Variants in ITPK1 observed in about 807,000 individuals in gnomAD.
The protein encoded by ITPK1 is inositol 1,3,4-trisphosphate 5/6-kinase.
In ITPK1, 21 loss-of-function variants were observed where a neutral mutation model predicts 45.3. That is an observed-to-expected ratio of 0.46 (90% CI 0.33 to 0.67). ITPK1 has a LOEUF of 0.67. Ranked by LOEUF, ITPK1 falls within the 30% of genes least tolerant of loss-of-function variation. The pLI, the probability that ITPK1 is intolerant of heterozygous loss-of-function variation, is 0.02. For synonymous variants in ITPK1, 258 were observed against 253.6 expected (o/e 1.02, Z -0.16); for missense variants, 474 against 573.5 (o/e 0.83, Z 1.77).
In ITPK1 at chr14:92,938,489, G is replaced by A. The variant is rs747889414; in HGVS notation, c.*3072C>T. ...CATGTGACAGCTTCCTACTTCAGTC[G>A]GTCTTCCAGCCTTCTATAAAGCACA... On this transcript the variant is annotated 3_prime_UTR_variant, in exon 11 of 11. Coordinates refer to ENST00000267615, the MANE Select transcript of ITPK1 (RefSeq NM_014216.6). 11 of 1,612,572 alleles carry A rather than the reference G, an allele frequency of 6.8e-6. No individual in the cohort carries two copies. The highest frequency in any genetic ancestry group is 5.3e-5 in the African/African-American group (4 of 74,866).
intron 5 of ITPK1, among the ~76,000 whole-genome samples, chr14:92,975,688 G>C (rs938026860): frequency 6.6e-6 from 1 of 152,228 alleles, no homozygotes; most frequent in Non-Finnish European, 1.5e-5. Flanking sequence ...AAAAGGAAGG[G>C]TAAGAAAGAA....
chr14:92,991,798 T>TA (rs1886801895), intron 5 of ITPK1, among the ~76,000 whole-genome samples: 1 of 152,078 alleles, frequency 6.6e-6, no homozygotes, highest in South Asian at 2.1e-4. Flanking sequence ...CTTCTACTCC[T>TA]AAAAATCTAA....
chr14:93,104,857 C>G (rs1253882655), intron 2 of ITPK1, among the ~76,000 whole-genome samples: 1 of 149,994 alleles, frequency 6.7e-6, no homozygotes, highest in Non-Finnish European at 1.5e-5. Flanking sequence ...GGCTTGGGCT[C>G]CAAGAGCGCC....
At chr14:92,951,005 A>G (rs985051550) in intron 9 of ITPK1, among the ~76,000 whole-genome samples, 5 of 152,230 alleles carry the variant, frequency 3.3e-5, no homozygotes, top group Middle Eastern at 3.2e-3. Context: ...AGACAGACAG[A>G]CAGGCCATCT....
At chr14:93,073,563 A>G (rs1891105581) in intron 3 of ITPK1, among the ~76,000 whole-genome samples, 1 of 152,196 alleles carries the variant, frequency 6.6e-6, no homozygotes, top group South Asian at 2.1e-4. Flanking sequence ...CCCATGACCA[A>G]CCGACCTCCG....
At chr14:93,082,821 A>T (rs1291116228) in intron 2 of ITPK1, among the ~76,000 whole-genome samples, 1 of 152,224 alleles carries the variant, frequency 6.6e-6, no homozygotes, top group Admixed American at 6.5e-5. Flanking sequence ...CATTGCTTCT[A>T]TGTGGCGAGA....
chr14:93,100,690 C>A (rs1892281042), intron 2 of ITPK1, among the ~76,000 whole-genome samples: 1 of 152,146 alleles, frequency 6.6e-6, no homozygotes, highest in Non-Finnish European at 1.5e-5. Context: ...ATTACCGAAC[C>A]CGCTCAGCAC....
At chr14:93,010,978 C>A (rs748385491) in intron 4 of ITPK1, among the ~76,000 whole-genome samples, 1 of 152,162 alleles carries the variant, frequency 6.6e-6, no homozygotes, top group Non-Finnish European at 1.5e-5. Context: ...CTTACACACA[C>A]GTGCACCATT....
rs758469484 is a variant in ITPK1 at position 92,938,434 on chromosome 14, G to C, written c.*3127C>G. On this transcript the variant is annotated 3_prime_UTR_variant, in exon 11 of 11. Coordinates refer to ENST00000267615, the MANE Select transcript of ITPK1 (RefSeq NM_014216.6). ...TGGTCTTGGGGTGGCTGTCTGGCAG[G>C]CAACAGCTGCTTTGCTCAGTTGGCT... 4.0e-6 allele frequency: 6 copies of C among 1,482,194 alleles called. No individual in the cohort carries two copies. The highest frequency in any genetic ancestry group is 1.7e-5 in the Admixed American group (1 of 59,788). 91.8% of individuals were successfully genotyped at this position (1,482,194 alleles called of 1,614,324 possible).
chr14:93,040,007 G>T (rs1258914085), intron 3 of ITPK1, among the ~76,000 whole-genome samples: 2 of 152,282 alleles, frequency 1.3e-5, no homozygotes, highest in Non-Finnish European at 2.9e-5. Flanking sequence ...GGGTGCTCCT[G>T]CCAGCCCCTG....
At chr14:93,103,397 G>A (rs540543989) in intron 2 of ITPK1, among the ~76,000 whole-genome samples, 87 of 152,134 alleles carry the variant, frequency 5.7e-4, no homozygotes, top group African/African-American at 2.0e-3. Context: ...CTGGGCAATA[G>A]AGCAAGACTC....
At chr14:93,003,185 C>T (rs947022114) in intron 4 of ITPK1, among the ~76,000 whole-genome samples, 1 of 152,078 alleles carries the variant, frequency 6.6e-6, no homozygotes, top group East Asian at 1.9e-4. Flanking sequence ...GTTGTACTTT[C>T]GAAGGCAGAA....
chr14:93,030,710 A>G (rs1406563777), intron 3 of ITPK1, among the ~76,000 whole-genome samples: 1 of 152,154 alleles, frequency 6.6e-6, no homozygotes, highest in African/African-American at 2.4e-5. Flanking sequence ...GGTACAGGCT[A>G]AACTGTGTCC....
chr14:93,073,998 C>T (rs1348138033), intron 3 of ITPK1, among the ~76,000 whole-genome samples: 2 of 152,180 alleles, frequency 1.3e-5, no homozygotes. Flanking sequence ...TGCAAACACC[C>T]CCAGCTCCCA....
intron 2 of ITPK1, among the ~76,000 whole-genome samples, chr14:93,102,676 G>T (rs1566787372): frequency 6.6e-6 from 1 of 152,042 alleles, no homozygotes; most frequent in Non-Finnish European, 1.5e-5. Flanking sequence ...AAATAGGCTG[G>T]CTAGGCACAG....
intron 3 of ITPK1, among the ~76,000 whole-genome samples, chr14:93,047,643 A>T (rs28392473): frequency 0.013 from 1,930 of 152,348 alleles, 39 homozygotes; most frequent in African/African-American, 0.044. Context: ...CTTCAGACGG[A>T]GCAGTGCCCT....
rs770604395 is a variant in ITPK1 at position 93,093,599 on chromosome 14, TA to T, written c.96-16981del. ...TACTGGCACCTCTTGGGGGTCTTGT[TA>T]AAACACAGATTCTGAGTCCGTGGAT... On this transcript the variant is annotated intron_variant, in intron 2 of 10. Coordinates refer to ENST00000267615, the MANE Select transcript of ITPK1 (RefSeq NM_014216.6). Among the ~76,000 whole-genome samples, 14 of 152,260 alleles carry T rather than the reference TA, an allele frequency of 9.2e-5. No individual in the cohort carries two copies. The East Asian group carries it at 2.3e-3, about 25-fold the overall frequency.
In ITPK1 at chr14:93,015,804, G is replaced by A. The variant is rs183609708; in HGVS notation, c.246+872C>T. On this transcript the variant is annotated intron_variant, in intron 4 of 10. Coordinates refer to ENST00000267615, the MANE Select transcript of ITPK1 (RefSeq NM_014216.6). ...AAGGCGGCTGACCCCGAACACACGG[G>A]GAGAGAACAGTGTCGGCAGGACGGC... Among the ~76,000 whole-genome samples the A allele has an allele frequency of 9.5e-4, 144 of 152,344 alleles. 1 individual carries two copies. Among genetic ancestry groups the A allele is most frequent in the African/African-American group, 3.2e-3 (134 of 41,588 alleles).
intron 3 of ITPK1, among the ~76,000 whole-genome samples, chr14:93,039,918 TC>T (rs898860451): frequency 5.9e-5 from 9 of 152,264 alleles, no homozygotes; most frequent in Admixed American, 4.6e-4. Context: ...CCCTCTGTCC[TC>T]CCCACAGGGC....
Sources: gnomAD v4.1 joint callset for allele counts (sites outside exome capture counted in the v4.1 genomes callset) on GRCh38, gnomAD v4.1.1 for gene constraint, MANE v1.5 for transcripts, NCBI Gene and HGNC (gene_info 2026-07-23, HGNC 2026-07-21) for gene names.